Variants in GPR155 observed in about 807,000 individuals in gnomAD.
The protein encoded by GPR155 is G protein-coupled receptor 155.
A neutral mutation model predicts 93.1 loss-of-function variants in GPR155; 65 were observed. That is an observed-to-expected ratio of 0.70 (90% CI 0.57 to 0.86). GPR155 has a LOEUF of 0.86. Among genes scored for constraint, GPR155 ranks in the 40% least tolerant of loss-of-function variants. The pLI is 0.00. For synonymous variants in GPR155, 319 were observed against 360.1 expected (o/e 0.89, Z 1.29); for missense variants, 838 against 1,034.8 (o/e 0.81, Z 2.61).
chr2:174,469,051 A>T lies in GPR155; in HGVS notation c.1043T>A (p.Val348Glu). 1 of 1,614,044 alleles carries T rather than the reference A, an allele frequency of 6.2e-7. No individual in the cohort carries two copies. The highest frequency in any genetic ancestry group is 1.1e-5 in the South Asian group (1 of 91,068). The change falls in exon 5 of 16, where the codon GTG (valine) becomes GAG (glutamate). Residue 348 changes from valine (V) to glutamate (E), a missense_variant. By Grantham distance (121) the Val-to-Glu change is moderately radical. Coordinates refer to ENST00000392552, the MANE Select transcript of GPR155 (RefSeq NM_152529.7). ...MEVEIITSGMVISTFVSAPIM... is the reference protein window; with the variant it reads ...MEVEIITSGMEISTFVSAPIM... ...GGGAGCAGACACAAATGTGCTTATC[A>T]CCATCCCTGAGGTTATCTGCAAAAA...
intron 5 of GPR155, 22 bp downstream of exon 5, chr2:174,468,890 T>C (rs889993243): frequency 6.3e-7 from 1 of 1,596,696 alleles, no homozygotes; most frequent in African/African-American, 1.3e-5. Context: ...TTTCCATTCA[T>C]TTTGGGATGC....
In GPR155 at chr2:174,435,138, A is replaced by G. The variant is rs1020923636; in HGVS notation, c.*978T>C. The G allele has an allele frequency of 2.0e-5, 3 of 152,222 alleles. No homozygotes were observed. The highest frequency in any genetic ancestry group is 7.2e-5 in the African/African-American group (3 of 41,458). The allele number at this position is 152,222 out of a possible 1,614,324, so 9.4% of individuals were successfully genotyped here. On this transcript the variant is annotated 3_prime_UTR_variant, in exon 16 of 16. Coordinates refer to ENST00000392552, the MANE Select transcript of GPR155 (RefSeq NM_152529.7). The stretch of plus-strand genomic sequence containing the variant: ...AGGATATTAATTTTGAAATTATAGT[A>G]AACAGTTGCAGAAAGCAATGATTAT...
intron 5 of GPR155, among the ~76,000 whole-genome samples, chr2:174,467,275 G>A (rs905690451): frequency 7.9e-5 from 12 of 152,190 alleles, no homozygotes; most frequent in Non-Finnish European, 1.2e-4. Context: ...CCAGACAGGC[G>A]GATCACTTGA....
At chr2:174,466,649 AG>A (rs1687845789) in intron 5 of GPR155, 22 bp from the exon 6 acceptor site, 1 of 1,261,814 alleles carries the variant, frequency 7.9e-7, no homozygotes, top group Non-Finnish European at 1.1e-6. Context: ...AAGGTTCAAA[AG>A]TTATTCATGT....
intron 13 of GPR155, among the ~76,000 whole-genome samples, 180 bp downstream of exon 13, chr2:174,444,901 C>T (rs1433950300): frequency 6.6e-6 from 1 of 152,134 alleles, no homozygotes; most frequent in Non-Finnish European, 1.5e-5. Context: ...TAATTCGTCT[C>T]TACTAGAAGA....
intron 11 of GPR155, among the ~76,000 whole-genome samples, 161 bp downstream of exon 11, chr2:174,453,576 C>T (rs940135251): frequency 5.6e-5 from 8 of 143,464 alleles, no homozygotes; most frequent in African/African-American, 7.7e-5. Context: ...AGGAGAATGG[C>T]GTGAACCTGG....
intron 5 of GPR155, among the ~76,000 whole-genome samples, chr2:174,467,186 A>G (rs577891272): frequency 2.6e-5 from 4 of 151,280 alleles, no homozygotes; most frequent in Admixed American, 2.6e-4. Context: ...AACAAAACAA[A>G]ACAAAGCAAA....
In GPR155 at chr2:174,473,237, A is replaced by C; in HGVS notation, c.588T>G (p.Thr196=). 1 of 1,613,874 alleles carries C rather than the reference A, an allele frequency of 6.2e-7. No individual in the cohort carries two copies. Among genetic ancestry groups the C allele is most frequent in the South Asian group, 1.1e-5 (1 of 91,066 alleles). The part of the protein sequence containing the change: ...IFCEIQKWKD[T]QNASQNKIKI... ...TTATTTTATTTTGAGAAGCATTTTG[A>C]GTGTCTTTCCACTTTTGGATTTCAC... Residue 196 remains threonine, a synonymous_variant, in exon 3 of 16, where the codon ACT becomes ACG. Transcript: ENST00000392552.
At chr2:174,465,593 C>G (rs1687815321) in intron 7 of GPR155, among the ~76,000 whole-genome samples, 192 bp downstream of exon 7, 1 of 152,214 alleles carries the variant, frequency 6.6e-6, no homozygotes, top group South Asian at 2.1e-4. Context: ...GCTCTAAGCC[C>G]AGGCAGGAAT....
intron 2 of GPR155, among the ~76,000 whole-genome samples, chr2:174,473,641 TG>T (rs1688064211): frequency 6.6e-6 from 1 of 152,146 alleles, no homozygotes; most frequent in African/African-American, 2.4e-5. Context: ...TCTCCAAAAA[TG>T]AGCAGAATTG....
chr2:174,441,609 T>C (rs1686962705), intron 14 of GPR155, among the ~76,000 whole-genome samples: 1 of 151,902 alleles, frequency 6.6e-6, no homozygotes, highest in South Asian at 2.1e-4. Context: ...CAGGCCCCGG[T>C]GTGTGATGTT....
intron 11 of GPR155, among the ~76,000 whole-genome samples, chr2:174,450,178 C>T (rs957365931): frequency 7.9e-5 from 12 of 151,158 alleles, no homozygotes; most frequent in South Asian, 2.1e-4. Context: ...TGCAGCAACA[C>T]GGATGCATCT....
intron 2 of GPR155, among the ~76,000 whole-genome samples, chr2:174,477,547 T>A (rs945370694): frequency 1.3e-5 from 2 of 152,176 alleles, no homozygotes; most frequent in Admixed American, 1.3e-4. Flanking sequence ...AATAAATACA[T>A]GTTAAATTAC....
intron 1 of GPR155, among the ~76,000 whole-genome samples, chr2:174,484,482 T>C (rs970086979): frequency 1.3e-5 from 2 of 152,234 alleles, no homozygotes; most frequent in Non-Finnish European, 2.9e-5. Context: ...CACGAGCATG[T>C]CAAGGCATTC....
chr2:174,441,701 C>T (rs572515755), intron 14 of GPR155, among the ~76,000 whole-genome samples: 8 of 147,224 alleles, frequency 5.4e-5, no homozygotes, highest in South Asian at 2.2e-4. Context: ...TCTGTCCTTG[C>T]GATAGAAAAA....
intron 2 of GPR155, among the ~76,000 whole-genome samples, chr2:174,474,310 A>C (rs970196880): frequency 6.6e-6 from 1 of 152,184 alleles, no homozygotes; most frequent in African/African-American, 2.4e-5. Context: ...TGTGCTGGCA[A>C]TGGGAAAATG....
intron 2 of GPR155, among the ~76,000 whole-genome samples, chr2:174,476,922 C>T (rs1362751825): frequency 1.3e-5 from 2 of 152,154 alleles, no homozygotes; most frequent in African/African-American, 2.4e-5. Flanking sequence ...TTCTGTAGTA[C>T]TTTGTTTCAT....
chr2:174,445,967 CA>C (rs1687108741), intron 12 of GPR155, among the ~76,000 whole-genome samples: 1 of 151,332 alleles, frequency 6.6e-6, no homozygotes. Flanking sequence ...CCACTTTGGT[CA>C]GTCAGGTATG....
At chr2:174,464,209 T>C (rs1466071963) in intron 7 of GPR155, among the ~76,000 whole-genome samples, 1 of 152,200 alleles carries the variant, frequency 6.6e-6, no homozygotes, top group East Asian at 1.9e-4. Context: ...TAGACCAGTG[T>C]TTCCTAAGGT....
Sources: gnomAD v4.1 joint callset for allele counts (sites outside exome capture counted in the v4.1 genomes callset) on GRCh38, gnomAD v4.1.1 for gene constraint, MANE v1.5 for transcripts, NCBI Gene and HGNC (gene_info 2026-07-23, HGNC 2026-07-21) for gene names.